Variants in CACNA2D2 observed in about 807,000 individuals in gnomAD.
The protein encoded by CACNA2D2 is voltage-dependent calcium channel subunit alpha-2/delta-2.
A neutral mutation model predicts 166.4 loss-of-function variants in CACNA2D2; 48 were observed. The observed-to-expected ratio is 0.29, with a 90% confidence interval of 0.23 to 0.37. The LOEUF (loss-of-function observed/expected upper bound fraction) is 0.37, where lower values mean the gene tolerates loss of function less well. Among genes scored for constraint, CACNA2D2 ranks in the 10% least tolerant of loss-of-function variants. The probability of loss-of-function intolerance (pLI) is 1.00; values close to 1 mark genes in which losing one functional copy is unlikely to be tolerated. For synonymous variants in CACNA2D2, 561 were observed against 573.7 expected (o/e 0.98, Z 0.32); for missense variants, 1,122 against 1,433.0 (o/e 0.78, Z 3.50).
chr3:50,374,477 G>A (rs1704863671), intron 22 of CACNA2D2, among the ~76,000 whole-genome samples: 1 of 151,624 alleles, frequency 6.6e-6, no homozygotes, highest in African/African-American at 2.4e-5. Context: ...AAGGAGGGAA[G>A]ACACGGAGTA....
intron 2 of CACNA2D2, among the ~76,000 whole-genome samples, chr3:50,439,278 C>T (rs59113322): frequency 0.033 from 5,014 of 152,310 alleles, 269 homozygotes; most frequent in African/African-American, 0.11. Context: ...GAGGGGAAGA[C>T]TGGCAGGGCC....
At chr3:50,483,712 T>A (rs374677943) in intron 1 of CACNA2D2, among the ~76,000 whole-genome samples, 15 of 152,162 alleles carry the variant, frequency 9.9e-5, no homozygotes, top group African/African-American at 3.4e-4. Flanking sequence ...CCTCTGCGGG[T>A]CTCAGTTTCC....
rs1705286294 is a variant in CACNA2D2, at chr3:50,381,092, C to T, written c.687G>A (p.Glu229=). The T allele has an allele frequency of 1.2e-6, 2 of 1,613,898 alleles. No homozygotes were observed. Among genetic ancestry groups the T allele is most frequent in the East Asian group, 4.5e-5 (2 of 44,858 alleles). Residue 229 remains glutamate (E), a synonymous_variant, in exon 7 of 38, where the codon GAG becomes GAA. Coordinates refer to ENST00000424201, the MANE Select transcript of CACNA2D2 (RefSeq NM_006030.4). The part of the protein sequence containing the change: ...TVILNELNWT[E]ALENVFMENR... ...TTTCCATGAACACATTCTCCAGGGC[C>T]TCTGTCCAGTTGAGCTCATTGAGGA...
At chr3:50,477,576 T>G (rs1697843337) in intron 1 of CACNA2D2, among the ~76,000 whole-genome samples, 1 of 152,186 alleles carries the variant, frequency 6.6e-6, no homozygotes, top group Non-Finnish European at 1.5e-5. Flanking sequence ...AAGGTGCTCT[T>G]TGCCCTCATG....
intron 1 of CACNA2D2, among the ~76,000 whole-genome samples, chr3:50,500,063 A>G (rs1260825617): frequency 6.6e-6 from 1 of 152,210 alleles, no homozygotes; most frequent in South Asian, 2.1e-4. Flanking sequence ...AGGGAGAGCC[A>G]CAGGGAGATG....
At chr3:50,446,525 CT>C (rs1187012652) in intron 2 of CACNA2D2, among the ~76,000 whole-genome samples, 2 of 152,246 alleles carry the variant, frequency 1.3e-5, no homozygotes, top group Non-Finnish European at 2.9e-5. Flanking sequence ...AACCCTGCCC[CT>C]GACCCCTCCT....
At chr3:50,463,404 T>A (rs1367465095) in intron 2 of CACNA2D2, among the ~76,000 whole-genome samples, 1 of 151,958 alleles carries the variant, frequency 6.6e-6, no homozygotes, top group Non-Finnish European at 1.5e-5. Context: ...GCTCACGCAA[T>A]CCTTCCACCT....
intron 3 of CACNA2D2, among the ~76,000 whole-genome samples, chr3:50,410,021 A>G (rs1706920759): frequency 6.6e-6 from 1 of 152,100 alleles, no homozygotes; most frequent in Non-Finnish European, 1.5e-5. Flanking sequence ...AGGGAGTTGT[A>G]TACACTCCCC....
chr3:50,461,066 CA>C (rs1709565111), intron 2 of CACNA2D2, among the ~76,000 whole-genome samples: 1 of 152,082 alleles, frequency 6.6e-6, no homozygotes, highest in African/African-American at 2.4e-5. Flanking sequence ...AGAAACCATT[CA>C]AGAAAACATC....
intron 2 of CACNA2D2, among the ~76,000 whole-genome samples, chr3:50,461,745 C>CAAAA (rs561980044): frequency 2.5e-5 from 1 of 40,608 alleles, no homozygotes; most frequent in Non-Finnish European, 5.0e-5. Context: ...TGGGGAGTCT[C>CAAAA]AAAAAAAAAA....
intron 2 of CACNA2D2, among the ~76,000 whole-genome samples, chr3:50,453,743 G>A (rs762496197): frequency 3.9e-4 from 60 of 152,210 alleles, no homozygotes; most frequent in Non-Finnish European, 6.0e-4. Flanking sequence ...GGAGCTTGGC[G>A]AGACGGGAAT....
intron 1 of CACNA2D2, among the ~76,000 whole-genome samples, chr3:50,492,125 A>G (rs950915800): frequency 9.2e-5 from 14 of 152,214 alleles, no homozygotes; most frequent in Admixed American, 7.2e-4. Context: ...CAAGATGAGA[A>G]TGAAGTCTCA....
At chr3:50,497,506 T>A (rs575375110) in intron 1 of CACNA2D2, among the ~76,000 whole-genome samples, 2 of 152,172 alleles carry the variant, frequency 1.3e-5, no homozygotes, top group South Asian at 4.1e-4. Flanking sequence ...ACCCAGCAGG[T>A]CCAGACCAGA....
intron 2 of CACNA2D2, among the ~76,000 whole-genome samples, chr3:50,442,723 T>C (rs1708658361): frequency 6.6e-6 from 1 of 152,152 alleles, no homozygotes; most frequent in Non-Finnish European, 1.5e-5. Context: ...CTGGGTGTGC[T>C]GAGATACTGG....
chr3:50,477,835 C>T (rs1457984371), intron 1 of CACNA2D2, among the ~76,000 whole-genome samples: 1 of 152,160 alleles, frequency 6.6e-6, no homozygotes, highest in Non-Finnish European at 1.5e-5. Context: ...CTGCCTCCTC[C>T]AGTGCCACTT....
intron 3 of CACNA2D2, among the ~76,000 whole-genome samples, chr3:50,396,246 C>A (rs1706144615): frequency 1.3e-5 from 2 of 152,120 alleles, no homozygotes; most frequent in Non-Finnish European, 2.9e-5. Context: ...CATTCCACCC[C>A]AGCATCCCTC....
At chr3:50,432,935 C>A (rs958396515) in intron 3 of CACNA2D2, among the ~76,000 whole-genome samples, 1 of 152,144 alleles carries the variant, frequency 6.6e-6, no homozygotes, top group African/African-American at 2.4e-5. Context: ...CTGACTTAAC[C>A]CAGCCAGGAC....
intron 2 of CACNA2D2, among the ~76,000 whole-genome samples, chr3:50,468,791 T>C (rs572308680): frequency 6.6e-6 from 1 of 151,940 alleles, no homozygotes; most frequent in South Asian, 2.1e-4. Flanking sequence ...TTGGGTGGCT[T>C]TGTATGACTC....
At position 50,365,168 on chromosome 3, in the gene CACNA2D2, T is replaced by C; in HGVS notation, c.3115A>G (p.Arg1039Gly). The part of the protein sequence containing the change: ...GNCSRLFHAQ[R>G]LTNTNLLFVV... ...AAGAGAAGATTGGTGTTGGTCAGTC[T>C]CTGCGCGTGGAACAGCCTGCGGGCA... Residue 1039 changes from arginine (R) to glycine (G), a missense_variant, in exon 36 of 38, where the codon AGA (arginine) becomes GGA (glycine). This residue lies in a region of CACNA2D2 where 282 missense variants were observed against 266.2 expected (regional missense o/e 1.06). Transcript: ENST00000424201. This position sits in a 1 kb window ranked among gnomAD's most constrained non-coding sequence, Gnocchi z 4.5. 6.2e-7 allele frequency: 1 copy of C among 1,612,100 alleles called. No individual in the cohort carries two copies.
Sources: allele counts gnomAD v4.1 joint callset (sites outside exome capture counted in the v4.1 genomes callset), GRCh38; gene constraint gnomAD v4.1.1; regional missense constraint gnomAD v4.1.1; non-coding constraint Gnocchi (gnomAD v3.1); transcripts MANE v1.5; gene names NCBI Gene and HGNC (gene_info 2026-07-23, HGNC 2026-07-21).